MGAT4C: variants seen among roughly 807,000 people sequenced by gnomAD.
MGAT4C encodes the protein alpha-1,3-mannosyl-glycoprotein 4-beta-N-acetylglucosaminyltransferase C.
Under a neutral mutation model 40.1 loss-of-function variants are expected in MGAT4C, and 19 were observed. The ratio of observed to expected loss-of-function variants is 0.47; its 90% CI spans 0.33 to 0.70. The LOEUF (loss-of-function observed/expected upper bound fraction) is 0.70, where lower values mean the gene tolerates loss of function less well. MGAT4C is among the 30% of genes least tolerant of loss of function. The probability of loss-of-function intolerance (pLI) is 0.02; values close to 1 mark genes in which losing one functional copy is unlikely to be tolerated. For missense variants in MGAT4C, 491 were observed against 563.2 expected, an observed-to-expected ratio of 0.87 and a Z score of 1.30; for synonymous variants, 181 against 187.1, an observed-to-expected ratio of 0.97 and a Z score of 0.27.
chr12:86,600,537 G>A (rs1961729026), intron 2 of MGAT4C, among the ~76,000 whole-genome samples: 1 of 152,160 alleles, frequency 6.6e-6, no homozygotes, highest in Non-Finnish European at 1.5e-5. Flanking sequence ...GTGTGCACTG[G>A]GCTGTGATCT....
intron 1 of MGAT4C, among the ~76,000 whole-genome samples, chr12:86,151,216 G>T (rs1277794102): frequency 6.6e-6 from 1 of 152,082 alleles, no homozygotes; most frequent in Non-Finnish European, 1.5e-5. Context: ...TCTTTGGAAT[G>T]TGCAGTTTGT....
At chr12:86,099,839 G>T (rs1874637955) in intron 1 of MGAT4C, among the ~76,000 whole-genome samples, 1 of 151,216 alleles carries the variant, frequency 6.6e-6, no homozygotes, top group African/African-American at 2.4e-5. Context: ...AATATTTTAT[G>T]ATTTATTTTA....
rs559044439 is a variant in MGAT4C, at chr12:86,699,534, C to T, written c.-229+27675G>A. Among the ~76,000 whole-genome samples the T allele has an allele frequency of 5.9e-5, 9 of 151,962 alleles. No homozygotes were observed. In the South Asian group the frequency reaches 1.0e-3, roughly 18 times the overall value. On this transcript the variant is annotated intron_variant, in intron 2 of 7. Coordinates refer to the MGAT4C transcript ENST00000548651. The stretch of plus-strand genomic sequence containing the variant: ...TAGATTGTGTGTGTTTGTGTGTGCA[C>T]GCGCATGAGATTGACCCTTGAACAA...
At chr12:86,609,293 AC>A (rs1224478772) in intron 2 of MGAT4C, among the ~76,000 whole-genome samples, 2 of 152,090 alleles carry the variant, frequency 1.3e-5, no homozygotes, top group Admixed American at 1.3e-4. Flanking sequence ...AAACGTGAAG[AC>A]CATGACAGGG....
At chr12:86,219,041 G>A (rs770470047) in intron 1 of MGAT4C, among the ~76,000 whole-genome samples, 52 of 152,136 alleles carry the variant, frequency 3.4e-4, no homozygotes, top group Admixed American at 1.4e-3. Flanking sequence ...TTAGCTGGGC[G>A]TGGTGGCAGG....
At chr12:86,007,373 T>C (rs1887992994) in intron 2 of MGAT4C, among the ~76,000 whole-genome samples, 1 of 152,122 alleles carries the variant, frequency 6.6e-6, no homozygotes, top group Admixed American at 6.6e-5. Flanking sequence ...GAATAATTTA[T>C]ATGTGATGAA....
rs193244354 is a variant in MGAT4C, at chr12:86,773,486, T to C, written c.-261-46245A>G. 3.9e-4 allele frequency among the ~76,000 whole-genome samples: 60 copies of C among 152,260 alleles called. 1 individual carries two copies. The highest frequency in any genetic ancestry group is 1.4e-3 in the African/African-American group (59 of 41,570). On this transcript the variant is annotated intron_variant, in intron 1 of 7. Transcript: ENST00000548651. ...CTGGGATACTTTGTTATGGCAACCC[T>C]AGCAAACTAATATAGAAGGCAACCA...
At chr12:86,799,253 T>C (rs139132637) in intron 1 of MGAT4C, among the ~76,000 whole-genome samples, 1 of 151,796 alleles carries the variant, frequency 6.6e-6, no homozygotes, top group South Asian at 2.1e-4. Flanking sequence ...ATAAACTACA[T>C]TGACATTTTG....
intron 3 of MGAT4C, among the ~76,000 whole-genome samples, chr12:86,360,145 G>A (rs111541734): frequency 6.6e-6 from 1 of 152,180 alleles, no homozygotes; most frequent in African/African-American, 2.4e-5. Context: ...CCATGATCAA[G>A]TCAGCTTCAT....
chr12:86,166,528 T>C (rs1886209299), intron 1 of MGAT4C, among the ~76,000 whole-genome samples: 2 of 152,048 alleles, frequency 1.3e-5, no homozygotes, highest in Admixed American at 1.3e-4. Flanking sequence ...AAAAATTAGT[T>C]GGCTGTGGTG....
At chr12:86,643,138 A>G (rs1279815824) in intron 2 of MGAT4C, among the ~76,000 whole-genome samples, 1 of 151,734 alleles carries the variant, frequency 6.6e-6, no homozygotes. Context: ...CTCGAGAAAT[A>G]GCAAGGGAGA....
chr12:86,305,582 C>A (rs754658606), intron 4 of MGAT4C, among the ~76,000 whole-genome samples: 1 of 150,064 alleles, frequency 6.7e-6, no homozygotes, highest in Non-Finnish European at 1.5e-5. Flanking sequence ...TATATATAGT[C>A]ATTCGTTGGT....
intron 1 of MGAT4C, among the ~76,000 whole-genome samples, chr12:86,099,471 T>C (rs887124721): frequency 1.3e-5 from 2 of 151,340 alleles, no homozygotes; most frequent in Admixed American, 6.6e-5. Flanking sequence ...GTGCAGAACG[T>C]GCAAATTCTA....
At chr12:86,481,900 G>A (rs1374114997) in intron 2 of MGAT4C, among the ~76,000 whole-genome samples, 1 of 151,758 alleles carries the variant, frequency 6.6e-6, no homozygotes, top group Non-Finnish European at 1.5e-5. Flanking sequence ...TTATAGGCAT[G>A]AGCCACCACC....
At chr12:86,499,340 T>C (rs966079435) in intron 2 of MGAT4C, among the ~76,000 whole-genome samples, 3 of 151,708 alleles carry the variant, frequency 2.0e-5, no homozygotes, top group African/African-American at 7.3e-5. Context: ...ACATACTCTA[T>C]AATACACACA....
At chr12:86,753,779 A>G (rs2136144046) in intron 1 of MGAT4C, among the ~76,000 whole-genome samples, 1 of 152,268 alleles carries the variant, frequency 6.6e-6, no homozygotes, top group East Asian at 1.9e-4. Flanking sequence ...ATCATCAGTC[A>G]TTAAGAAAAT....
At chr12:86,231,803 A>G (rs1413998544) in intron 1 of MGAT4C, among the ~76,000 whole-genome samples, 1 of 152,178 alleles carries the variant, frequency 6.6e-6, no homozygotes, top group Non-Finnish European at 1.5e-5. Flanking sequence ...AATACCAAGT[A>G]ACAGCCTTCT....
chr12:86,800,317 C>T (rs1174230798), intron 1 of MGAT4C, among the ~76,000 whole-genome samples: 1 of 151,930 alleles, frequency 6.6e-6, no homozygotes, highest in Non-Finnish European at 1.5e-5. Context: ...TCTTTAATCA[C>T]AAAAGTAAGG....
At chr12:86,675,109 G>A (rs11104028) in intron 2 of MGAT4C, among the ~76,000 whole-genome samples, 6 of 152,000 alleles carry the variant, frequency 3.9e-5, no homozygotes, top group Admixed American at 2.0e-4. Context: ...ACATGTCATC[G>A]TCAAAATTTG....
Sources: gnomAD v4.1 joint callset for allele counts (sites outside exome capture counted in the v4.1 genomes callset) on GRCh38, gnomAD v4.1.1 for gene constraint, MANE v1.5 for transcripts, NCBI Gene and HGNC (gene_info 2026-07-23, HGNC 2026-07-21) for gene names.